DISP3: variants seen among roughly 807,000 people sequenced by gnomAD.
DISP3 encodes protein dispatched homolog 3.
DISP3 carries 101 observed loss-of-function variants against 135.3 expected under a neutral mutation model. The observed-to-expected ratio is 0.75, with a 90% CI of 0.64 to 0.88. The LOEUF (loss-of-function observed/expected upper bound fraction) is 0.88. Among genes scored for constraint, DISP3 ranks in the 40% least tolerant of loss-of-function variants. The pLI is 0.00. For synonymous variants in DISP3, 856 were observed against 817.0 expected (o/e 1.05, Z -0.81); for missense variants, 1,713 against 1,878.6 (o/e 0.91, Z 1.63).
chr1:11,533,619 C>T (rs34784547), intron 17 of DISP3: 11,398 of 621,902 alleles, frequency 0.018, 161 homozygotes, highest in Non-Finnish European at 0.023. Flanking sequence ...CAGAACTCAC[C>T]TCCCTCTGCA....
At chr1:11,484,512 C>T (rs113185126) in intron 1 of DISP3, among the ~76,000 whole-genome samples, 1,809 of 152,326 alleles carry the variant, frequency 0.012, 42 homozygotes, top group African/African-American at 0.041. Flanking sequence ...ATCCTGGGGC[C>T]ATCCCCTGAG....
chr1:11,490,416 C>T (rs546192556), intron 1 of DISP3, among the ~76,000 whole-genome samples: 7 of 152,194 alleles, frequency 4.6e-5, no homozygotes, highest in South Asian at 2.1e-4. Context: ...TACAGGCACC[C>T]GCCACCATGC....
intron 3 of DISP3, among the ~76,000 whole-genome samples, chr1:11,503,968 C>A (rs1641628473): frequency 6.6e-6 from 1 of 152,114 alleles, no homozygotes; most frequent in South Asian, 2.1e-4. Flanking sequence ...TGGGTCCCTC[C>A]CCACCAGAAC....
intron 1 of DISP3, among the ~76,000 whole-genome samples, chr1:11,496,070 G>T (rs1262702671): frequency 6.6e-6 from 1 of 151,742 alleles, no homozygotes; most frequent in Non-Finnish European, 1.5e-5. Flanking sequence ...TCCCAAACAG[G>T]TTACTGCTAT....
intron 3 of DISP3, among the ~76,000 whole-genome samples, chr1:11,505,133 G>A (rs1212265855): frequency 1.3e-5 from 2 of 152,224 alleles, no homozygotes; most frequent in African/African-American, 4.8e-5. Flanking sequence ...TGTTAGAAAT[G>A]CAGAAGCTCA....
intron 3 of DISP3, among the ~76,000 whole-genome samples, chr1:11,509,838 C>T (rs888165147): frequency 6.6e-6 from 1 of 152,108 alleles, no homozygotes; most frequent in African/African-American, 2.4e-5. Context: ...AGGTGGCTCA[C>T]GCCTGTAATC....
intron 3 of DISP3, among the ~76,000 whole-genome samples, chr1:11,506,039 G>A (rs1485270887): frequency 2.0e-5 from 3 of 152,042 alleles, no homozygotes; most frequent in Non-Finnish European, 2.9e-5. Context: ...TTATAAATTG[G>A]CACTTATTTT....
In DISP3 at chr1:11,529,212, G is replaced by A. The variant is rs1425964120; in HGVS notation, c.2799-344G>A. Among the ~76,000 whole-genome samples, 1 of 152,114 alleles carries A rather than the reference G, an allele frequency of 6.6e-6. No individual in the cohort carries two copies. The highest frequency in any genetic ancestry group is 2.4e-5 in the African/African-American group (1 of 41,398). ...CGAGGACCACTAGGGTTGGCCCTGG[G>A]GGTCCCTCCTGAACCCTCGTACCCC... is the stretch of plus-strand genomic sequence containing the variant. On this transcript the variant is annotated intron_variant, in intron 13 of 20. Transcript: ENST00000294484. This position sits in a 1 kb window ranked among gnomAD's most constrained non-coding sequence, Gnocchi z 4.7.
rs377500218 is a variant in DISP3, at chr1:11,520,750, G to A, written c.2264G>A (p.Arg755Gln). 269 of 1,613,494 alleles carry A rather than the reference G, an allele frequency of 1.7e-4. No individual in the cohort carries two copies. Among genetic ancestry groups the A allele is most frequent in the Non-Finnish European group, 2.1e-4 (247 of 1,179,988 alleles). ...VFASRLRPAS[R>Q]APLLFRPDTN... ...GCCAGCCGGCTCCGCCCCGCCAGCC[G>A]GGCCCCGCTACTCTTCCGGCCTGAT... The change falls in exon 10 of 21, where the codon CGG (arginine) becomes CAG (glutamine). Residue 755 changes from arginine to glutamine, a missense_variant. Transcript: ENST00000294484. This position sits in a 1 kb window ranked among gnomAD's most constrained non-coding sequence, Gnocchi z 4.8.
At position 11,520,703 on chromosome 1, in the gene DISP3, C is replaced by T. The variant is rs1207779654; in HGVS notation, c.2217C>T (p.Ile739=). 2.5e-6 allele frequency: 4 copies of T among 1,613,210 alleles called. No homozygotes were observed. In the Admixed American group the frequency reaches 5.0e-5, roughly 20 times the overall value. Residue 739 remains isoleucine, a synonymous_variant, in exon 10 of 21, where the codon ATC becomes ATT. Transcript: ENST00000294484. The surrounding 1 kb of genome is among the most constrained non-coding windows in gnomAD (Gnocchi z 4.8). ...TCCTCACAGGGCTGTTCGTCTCCATCCTCATCTTGTCCCTGGTGTTCGCCA... is the reference window on the plus strand; with the variant it reads ...TCCTCACAGGGCTGTTCGTCTCCATTCTCATCTTGTCCCTGGTGTTCGCCA... ...RWVIVGLFVS[I]LILSLVFASR...
chr1:11,532,401 C>T (rs1479438478), intron 17 of DISP3, among the ~76,000 whole-genome samples: 1 of 152,218 alleles, frequency 6.6e-6, no homozygotes, highest in Non-Finnish European at 1.5e-5. Flanking sequence ...GCCCCTCTGG[C>T]AGGTGTGGAG....
At chr1:11,527,527 A>G (rs1203890354) in intron 13 of DISP3, among the ~76,000 whole-genome samples, 6 of 151,476 alleles carry the variant, frequency 4.0e-5, no homozygotes, top group African/African-American at 7.3e-5. Context: ...CAGCCTGGGC[A>G]ACAGAGCGAG....
rs146256525 is a variant in DISP3, at chr1:11,534,506, C to T, written c.3501C>T (p.Cys1167=). 3.4e-4 allele frequency: 541 copies of T among 1,612,476 alleles called. 1 individual carries two copies. The African/African-American group carries it at 5.6e-3, about 17-fold the overall frequency. ...GSVLRRGFQT[C]EHWKQIFMEI... ...TCCTGCGCCGGGGCTTCCAGACCTGCGAGCACTGGAAGCAGATATTCATGG... is the reference window on the plus strand; with the variant it reads ...TCCTGCGCCGGGGCTTCCAGACCTGTGAGCACTGGAAGCAGATATTCATGG... Residue 1167 remains cysteine (C), a synonymous_variant, in exon 18 of 21, where the codon TGC becomes TGT. Transcript: ENST00000294484.
In DISP3 at chr1:11,520,592, A is replaced by G; in HGVS notation, c.2201-95A>G. On this transcript the variant is annotated intron_variant, in intron 9 of 20. Coordinates refer to ENST00000294484, the MANE Select transcript of DISP3 (RefSeq NM_020780.2). This position sits in a 1 kb window ranked among gnomAD's most constrained non-coding sequence, Gnocchi z 4.8. The stretch of plus-strand genomic sequence containing the variant: ...GCACCCTTAGGACACCCGCCCCCCA[A>G]CAACCAGAGCAGTTGTCTCCCGGCA... 1 of 1,430,282 alleles carries G rather than the reference A, an allele frequency of 7.0e-7. No homozygotes were observed. The allele number at this position is 1,430,282 out of a possible 1,614,324, so 88.6% of individuals were successfully genotyped here. A position where few individuals can be genotyped will look rare whatever the true frequency, so the allele number is the denominator to read the frequency against.
In DISP3 at chr1:11,516,743, C is replaced by G. The variant is rs1570115418; in HGVS notation, c.1749+582C>G. 6.6e-6 allele frequency among the ~76,000 whole-genome samples: 1 copy of G among 152,346 alleles called. No individual in the cohort carries two copies. On this transcript the variant is annotated intron_variant, in intron 6 of 20. Transcript: ENST00000294484. This position sits in a 1 kb window ranked among gnomAD's most constrained non-coding sequence, Gnocchi z 5.1. ...CCAAGTCTTTGAGAAACTTTACGACCTGGGCTGAGTAGCCCCTCTGGAAAC... is the reference window on the plus strand; with the variant it reads ...CCAAGTCTTTGAGAAACTTTACGACGTGGGCTGAGTAGCCCCTCTGGAAAC...
chr1:11,492,564 C>G (rs1641219349), intron 1 of DISP3, among the ~76,000 whole-genome samples: 1 of 152,196 alleles, frequency 6.6e-6, no homozygotes, highest in Non-Finnish European at 1.5e-5. Context: ...CTCCCCACCC[C>G]CACCTGGGCT....
rs368806448 is a variant in DISP3, at chr1:11,501,174, G to T, written c.182G>T (p.Trp61Leu). ...TCCCGACCCCCAGCTTCGGGCTTCTGGAGTACCCTGGGCTGGGCCTTCACC... is the reference window on the plus strand; with the variant it reads ...TCCCGACCCCCAGCTTCGGGCTTCTTGAGTACCCTGGGCTGGGCCTTCACC... ...LASRPPASGF[W>L]STLGWAFTNP... The change falls in exon 2 of 21, where the codon TGG becomes TTG. Residue 61 changes from tryptophan (W) to leucine (L), a missense_variant. Coordinates refer to ENST00000294484, the MANE Select transcript of DISP3 (RefSeq NM_020780.2). The surrounding 1 kb of genome is among the most constrained non-coding windows in gnomAD (Gnocchi z 4.9). The T allele has an allele frequency of 6.2e-7, 1 of 1,613,930 alleles. No homozygotes were observed.
intron 3 of DISP3, among the ~76,000 whole-genome samples, chr1:11,508,556 A>G (rs982534875): frequency 6.6e-6 from 1 of 152,106 alleles, no homozygotes; most frequent in African/African-American, 2.4e-5. Context: ...CAGTCTGGCT[A>G]GAAGCTTATC....
In DISP3 at chr1:11,530,780, G is replaced by A. The variant is rs963620127; in HGVS notation, c.3103-127G>A. ...AGCAGTGGGTGAGCAGTTGCAGGCT[G>A]CCAACATGAGGGTGACAGGTAGCAG... is the stretch of plus-strand genomic sequence containing the variant. On this transcript the variant is annotated intron_variant, in intron 15 of 20. Coordinates refer to ENST00000294484, the MANE Select transcript of DISP3 (RefSeq NM_020780.2). 12 of 1,304,248 alleles carry A rather than the reference G, an allele frequency of 9.2e-6. No individual in the cohort carries two copies. In the African/African-American group the frequency reaches 1.5e-4, roughly 16 times the overall value. 80.8% of individuals were successfully genotyped at this position (1,304,248 alleles called of 1,614,324 possible). A position where few individuals can be genotyped will look rare whatever the true frequency, so the allele number is the denominator to read the frequency against.
Sources: gnomAD v4.1 joint callset for allele counts (sites outside exome capture counted in the v4.1 genomes callset) on GRCh38, gnomAD v4.1.1 for gene constraint, Gnocchi (gnomAD v3.1) non-coding constraint, MANE v1.5 for transcripts, NCBI Gene and HGNC (gene_info 2026-07-23, HGNC 2026-07-21) for gene names.